Variants in MYO3B observed in about 807,000 individuals in gnomAD.
MYO3B encodes myosin IIIB, also known as myosin-IIIb.
Under a neutral mutation model 174.6 loss-of-function variants are expected in MYO3B, and 156 were observed. That is an observed-to-expected ratio of 0.89 (90% CI 0.78 to 1.02). The LOEUF is 1.02. Among genes scored for constraint, MYO3B ranks in the 50% least tolerant of loss-of-function variants. MYO3B has a pLI of 0.00. For synonymous variants in MYO3B, 563 were observed against 569.1 expected (o/e 0.99, Z 0.15); for missense variants, 1,632 against 1,639.4 (o/e 1.00, Z 0.08).
chr2:170,622,893 G>T (rs949004221), intron 32 of MYO3B, among the ~76,000 whole-genome samples: 11 of 152,146 alleles, frequency 7.2e-5, no homozygotes, highest in African/African-American at 2.4e-4. Flanking sequence ...CCCTACAAAG[G>T]ACAGGAACTC....
At chr2:170,194,874 C>A (rs575865251) in intron 1 of MYO3B, among the ~76,000 whole-genome samples, 25 of 152,274 alleles carry the variant, frequency 1.6e-4, no homozygotes, top group Admixed American at 1.4e-3. Flanking sequence ...CCCTGGCAAA[C>A]CACTGGTCTA....
intron 7 of MYO3B, among the ~76,000 whole-genome samples, chr2:170,322,425 A>G (rs577172946): frequency 6.6e-6 from 1 of 152,298 alleles, no homozygotes; most frequent in Non-Finnish European, 1.5e-5. Flanking sequence ...AGCATAATCC[A>G]TTCAGTAGCA....
chr2:170,350,410 T>A (rs566749441), intron 8 of MYO3B: 9 of 152,348 alleles, frequency 5.9e-5, no homozygotes, highest in Admixed American at 2.6e-4. Flanking sequence ...GTTATTCCTC[T>A]CCAAAAGCTT....
intron 30 of MYO3B, 96 bp from the exon 31 acceptor site, chr2:170,542,810 T>C (rs1304698088): frequency 7.6e-6 from 7 of 919,944 alleles, no homozygotes; most frequent in East Asian, 2.7e-5. Context: ...ATAAAAAGTA[T>C]GTTTTGATAT....
intron 32 of MYO3B, among the ~76,000 whole-genome samples, chr2:170,630,358 C>T (rs1696846905): frequency 6.6e-6 from 1 of 152,178 alleles, no homozygotes; most frequent in Non-Finnish European, 1.5e-5. Flanking sequence ...GGGGTGTCCA[C>T]CATTGCTGAG....
At chr2:170,397,249 G>C (rs994281487) in intron 16 of MYO3B, among the ~76,000 whole-genome samples, 2 of 152,142 alleles carry the variant, frequency 1.3e-5, no homozygotes, top group African/African-American at 4.8e-5. Flanking sequence ...GCATTATCAG[G>C]TATCCAGCAG....
chr2:170,457,685 G>C (rs1683985139), intron 23 of MYO3B, among the ~76,000 whole-genome samples: 1 of 152,172 alleles, frequency 6.6e-6, no homozygotes, highest in Non-Finnish European at 1.5e-5. Flanking sequence ...GGACCTGCCT[G>C]AGGCTGTTCC....
chr2:170,424,004 A>C (rs184491514), intron 22 of MYO3B, among the ~76,000 whole-genome samples: 1 of 152,356 alleles, frequency 6.6e-6, no homozygotes, highest in East Asian at 1.9e-4. Context: ...TGTGGTGTTA[A>C]GAGGTGTGAG....
At position 170,334,204 on chromosome 2, in the gene MYO3B, A is replaced by G. The variant is rs561675323; in HGVS notation, c.750-1181A>G. 1.8e-4 allele frequency: 28 copies of G among 152,346 alleles called. No individual in the cohort carries two copies. The East Asian group carries it at 3.7e-3, about 20-fold the overall frequency. The allele number at this position is 152,346 out of a possible 1,614,324, so 9.4% of individuals were successfully genotyped here. A position where few individuals can be genotyped will look rare whatever the true frequency, so the allele number is the denominator to read the frequency against. On this transcript the variant is annotated intron_variant, in intron 7 of 34. Transcript: ENST00000408978. Reference sequence around the variant, plus strand: ...TTTAAGGAGACTTTCTGGAAATACCATATAATACTTCTATTTATATATCAT... The same window carrying G: ...TTTAAGGAGACTTTCTGGAAATACCGTATAATACTTCTATTTATATATCAT...
intron 25 of MYO3B, among the ~76,000 whole-genome samples, chr2:170,489,015 A>T (rs1686256678): frequency 6.6e-6 from 1 of 152,236 alleles, no homozygotes; most frequent in African/African-American, 2.4e-5. Context: ...ATGAGTTCCA[A>T]TGAGGTGAAA....
intron 7 of MYO3B, among the ~76,000 whole-genome samples, chr2:170,267,530 G>GT (rs1210183659): frequency 6.6e-6 from 1 of 152,156 alleles, no homozygotes; most frequent in Non-Finnish European, 1.5e-5. Context: ...TTTTGTATCT[G>GT]TTTTTACCAT....
At chr2:170,570,624 G>A (rs755724479) in intron 32 of MYO3B, among the ~76,000 whole-genome samples, 12 of 152,166 alleles carry the variant, frequency 7.9e-5, no homozygotes, top group South Asian at 2.1e-4. Context: ...TGTAAGACAC[G>A]TAACTGTGCT....
At chr2:170,499,563 AT>A in intron 26 of MYO3B, 82 bp from the exon 27 acceptor site, 1 of 1,269,958 alleles carries the variant, frequency 7.9e-7, no homozygotes, top group South Asian at 1.4e-5. Flanking sequence ...TTGTTTTAAT[AT>A]TTTCATTTAG....
chr2:170,606,773 C>T (rs560134355), intron 32 of MYO3B, among the ~76,000 whole-genome samples: 4 of 152,312 alleles, frequency 2.6e-5, no homozygotes, highest in Admixed American at 2.6e-4. Flanking sequence ...GTAATCCCAG[C>T]ACTTTAGGAG....
In MYO3B at chr2:170,271,040, A is replaced by T. The variant is rs1016975060; in HGVS notation, c.749+34904A>T. 5.9e-5 allele frequency among the ~76,000 whole-genome samples: 9 copies of T among 152,244 alleles called. No individual in the cohort carries two copies. In the East Asian group the frequency reaches 1.7e-3, roughly 29 times the overall value. On this transcript the variant is annotated intron_variant, in intron 7 of 34. Coordinates refer to ENST00000408978, the MANE Select transcript of MYO3B (RefSeq NM_138995.5). Reference sequence around the variant, plus strand: ...CAGACCTTGAAAGGCAGTTATATTTATTTGCCAGATATAGAAATTGGAGCC... The same window carrying T: ...CAGACCTTGAAAGGCAGTTATATTTTTTTGCCAGATATAGAAATTGGAGCC...
chr2:170,603,565 T>A (rs1181196608), intron 32 of MYO3B, among the ~76,000 whole-genome samples: 2 of 149,730 alleles, frequency 1.3e-5, no homozygotes, highest in African/African-American at 5.1e-5. Flanking sequence ...ATCAGCCACC[T>A]TTTTTTTACT....
intron 9 of MYO3B, among the ~76,000 whole-genome samples, chr2:170,371,720 A>C (rs1173472328): frequency 1.3e-5 from 2 of 149,856 alleles, no homozygotes; most frequent in African/African-American, 4.9e-5. Context: ...AATTGAGGTG[A>C]GTATATAGAT....
At chr2:170,535,031 A>G (rs547198196) in intron 30 of MYO3B, among the ~76,000 whole-genome samples, 1 of 152,162 alleles carries the variant, frequency 6.6e-6, no homozygotes, top group African/African-American at 2.4e-5. Flanking sequence ...CCTGCCTCCA[A>G]TACTTTCTAT....
chr2:170,454,913 A>C lies in MYO3B; in HGVS notation c.2731-8455A>C, dbSNP rs1489341901. On this transcript the variant is annotated intron_variant, in intron 23 of 34. Transcript: ENST00000408978. ...TCTGATTGGTCAGTTCAGAGATGAA[A>C]TCATAGGGAGTTGAAACTGTCCTCT... Among the ~76,000 whole-genome samples the C allele has an allele frequency of 4.6e-5, 7 of 152,152 alleles. No homozygotes were observed. The East Asian group carries it at 1.2e-3, about 25-fold the overall frequency.
Sources: gnomAD v4.1 joint callset for allele counts (sites outside exome capture counted in the v4.1 genomes callset) on GRCh38, gnomAD v4.1.1 for gene constraint, MANE v1.5 for transcripts, NCBI Gene and HGNC (gene_info 2026-07-23, HGNC 2026-07-21) for gene names.